SHPRH: variants seen among roughly 807,000 people sequenced by gnomAD.
SHPRH encodes the protein SNF2 histone linker PHD RING helicase.
SHPRH carries 106 observed loss-of-function variants against 202.5 expected under a neutral mutation model. The ratio of observed to expected loss-of-function variants is 0.52; its 90% CI spans 0.45 to 0.62. The LOEUF is 0.62. SHPRH is among the 20% of genes least tolerant of loss of function. The pLI is 0.00. For missense variants in SHPRH, 1,710 were observed against 2,020.0 expected (o/e 0.85, Z 2.94); for synonymous variants, 729 against 686.0 (o/e 1.06, Z -0.98).
chr6:145,864,387 C>A (rs867243088), exon 3 of SHPRH: 3 of 426,730 alleles, frequency 7.0e-6, no homozygotes, highest in South Asian at 1.8e-5. Context: ...AAACAACTCA[C>A]AAATCACCAA....
chr6:145,919,181 A>G (rs1784209217), intron 22 of SHPRH, 167 bp downstream of exon 22: 1 of 892,696 alleles, frequency 1.1e-6, no homozygotes, highest in African/African-American at 1.7e-5. Flanking sequence ...CTCATCTTTG[A>G]CCATTTTTGG....
At chr6:145,875,619 G>C (rs1051082661) in intron 2 of SHPRH, among the ~76,000 whole-genome samples, 1 of 152,206 alleles carries the variant, frequency 6.6e-6, no homozygotes, top group South Asian at 2.1e-4. Context: ...TTCTTTATTA[G>C]AAGTTAGCAA....
intron 1 of SHPRH, among the ~76,000 whole-genome samples, chr6:145,961,911 C>T (rs1326666985): frequency 6.6e-6 from 1 of 152,212 alleles, no homozygotes; most frequent in African/African-American, 2.4e-5. Flanking sequence ...GTCAAATATA[C>T]TTATGACTAA....
rs1215956069 is a variant in SHPRH, at chr6:145,886,147, A to T, written c.*544T>A. The stretch of plus-strand genomic sequence containing the variant: ...AACTGTCTAACATTAACTTATTGTA[A>T]GGAGTTGTATTACTGCAAAATTACT... On this transcript the variant is annotated 3_prime_UTR_variant, in exon 30 of 30. Coordinates refer to ENST00000275233, the MANE Select transcript of SHPRH (RefSeq NM_001042683.3). The T allele has an allele frequency of 4.2e-6, 1 of 235,352 alleles. No individual in the cohort carries two copies. Among genetic ancestry groups the T allele is most frequent in the Non-Finnish European group, 8.4e-6 (1 of 119,534 alleles). The allele number at this position is 235,352 out of a possible 1,614,324, so 14.6% of individuals were successfully genotyped here.
chr6:145,895,079 G>A, intron 25 of SHPRH, 102 bp from the exon 26 acceptor site: 2 of 976,944 alleles, frequency 2.0e-6, no homozygotes, highest in Non-Finnish European at 3.0e-6. Context: ...AACTATAAAT[G>A]CATCAAAACA....
chr6:145,937,935 T>G (rs1786296074), intron 11 of SHPRH, among the ~76,000 whole-genome samples: 1 of 152,240 alleles, frequency 6.6e-6, no homozygotes, highest in African/African-American at 2.4e-5. Context: ...TTTCCTTTTT[T>G]TCATTTGTGA....
At position 145,887,529 on chromosome 6, in the gene SHPRH, G is replaced by GTT. The variant is rs200904161; in HGVS notation, c.4955+489_4955+490dup. ...TTGACACCACAATTAACCTTAACAA[G>GTT]TTTGTTTTTTTTTTTTTTTTTTTTG... On this transcript the variant is annotated intron_variant, in intron 29 of 29. Coordinates refer to ENST00000275233, the MANE Select transcript of SHPRH (RefSeq NM_001042683.3). 3.1e-3 allele frequency among the ~76,000 whole-genome samples: 407 copies of GTT among 130,030 alleles called. 8 individuals are homozygous for GTT. The highest frequency in any genetic ancestry group is 4.3e-3 in the Middle Eastern group (1 of 234). The allele number at this position is 130,030 out of a possible 152,430, so 85.3% of individuals were successfully genotyped here. A position where few individuals can be genotyped will look rare whatever the true frequency, so the allele number is the denominator to read the frequency against.
intron 14 of SHPRH, among the ~76,000 whole-genome samples, chr6:145,929,894 A>T (rs1387474482): frequency 6.6e-6 from 1 of 152,134 alleles, no homozygotes; most frequent in Non-Finnish European, 1.5e-5. Flanking sequence ...TACCATAACC[A>T]ATAACATCAT....
At chr6:145,865,218 T>C (rs1291812689) in intron 2 of SHPRH, among the ~76,000 whole-genome samples, 1 of 152,200 alleles carries the variant, frequency 6.6e-6, no homozygotes. Context: ...CCTAATGTTA[T>C]GACGTTTAGA....
chr6:145,948,431 CAGTG>C, intron 4 of SHPRH, 81 bp from the exon 5 acceptor site: 1 of 1,073,452 alleles, frequency 9.3e-7, no homozygotes, highest in Non-Finnish European at 1.4e-6. Flanking sequence ...AATAGGTTAA[CAGTG>C]AGGATACTCT....
chr6:145,931,169 G>T lies in SHPRH; in HGVS notation c.3112+1888C>A, dbSNP rs946058701. Among the ~76,000 whole-genome samples, 5 of 151,880 alleles carry T rather than the reference G, an allele frequency of 3.3e-5. No individual in the cohort carries two copies. In the South Asian group the frequency reaches 1.0e-3, roughly 31 times the overall value. ...GAGAACATATTGATGGTTATTGTTT[G>T]TTTTTAATCCAGTCTGACAATCCAG... On this transcript the variant is annotated intron_variant, in intron 14 of 29. Transcript: ENST00000275233.
At chr6:145,871,699 T>G (rs1182736673) in intron 2 of SHPRH, among the ~76,000 whole-genome samples, 1 of 152,168 alleles carries the variant, frequency 6.6e-6, no homozygotes, top group Non-Finnish European at 1.5e-5. Flanking sequence ...AAAACTATTT[T>G]GAAATTTATA....
chr6:145,912,025 A>C lies in SHPRH; in HGVS notation c.4327-1389T>G, dbSNP rs2128738489. Reference sequence around the variant, plus strand: ...CTACTGGAAAGGAGTTTTGTGACTCACTAGAGCTCAAAATGGACCAACTAA... The same window carrying C: ...CTACTGGAAAGGAGTTTTGTGACTCCCTAGAGCTCAAAATGGACCAACTAA... On this transcript the variant is annotated intron_variant, in intron 24 of 29. Coordinates refer to ENST00000275233, the MANE Select transcript of SHPRH (RefSeq NM_001042683.3). Among the ~76,000 whole-genome samples, 2 of 152,044 alleles carry C rather than the reference A, an allele frequency of 1.3e-5. 1 individual carries two copies. Among genetic ancestry groups the C allele is most frequent in the East Asian group, 3.9e-4 (2 of 5,176 alleles).
chr6:145,879,025 A>T (rs763592823), intron 2 of SHPRH, among the ~76,000 whole-genome samples: 17 of 152,212 alleles, frequency 1.1e-4, no homozygotes, highest in Non-Finnish European at 1.9e-4. Flanking sequence ...CTTCCTCTAA[A>T]TTTAAATATG....
chr6:145,903,856 C>T (rs1782718738), intron 25 of SHPRH: 1 of 152,064 alleles, frequency 6.6e-6, no homozygotes, highest in Admixed American at 6.6e-5. Context: ...CCTACTTCAC[C>T]ATCCAAAATG....
chr6:145,917,427 A>C (rs1281439610), intron 23 of SHPRH: 1 of 152,140 alleles, frequency 6.6e-6, no homozygotes, highest in African/African-American at 2.4e-5. Context: ...CTATATCTAT[A>C]ATGAATGTCT....
chr6:145,913,061 G>A (rs9497425), intron 24 of SHPRH, among the ~76,000 whole-genome samples: 83,357 of 151,824 alleles, frequency 0.55, 23,366 homozygotes, highest in Admixed American at 0.67. Context: ...CAAGTATTAT[G>A]AGACATTAAT....
chr6:145,919,412 C>T lies in SHPRH; in HGVS notation c.4088G>A (p.Arg1363Lys), dbSNP rs2128747381. ...CTTTGGCTCCCTAGGATCACGCACT[C>T]TTAGTCGTTCTGTAGCCATTGCAAG... ...DELAMATERL[R>K]VRDPREPKPN... is the part of the protein sequence containing the mutation. Residue 1363 changes from arginine to lysine, a missense_variant, in exon 22 of 30, where the codon AGA (arginine) becomes AAA (lysine). Coordinates refer to ENST00000275233, the MANE Select transcript of SHPRH (RefSeq NM_001042683.3). 1 of 1,613,278 alleles carries T rather than the reference C, an allele frequency of 6.2e-7. No individual in the cohort carries two copies. Among genetic ancestry groups the T allele is most frequent in the Middle Eastern group, 1.7e-4 (1 of 6,054 alleles).
At chr6:145,858,039 G>A in the SHPRH span, among the ~76,000 whole-genome samples, 9 of 152,106 alleles carry the variant, frequency 5.9e-5, no homozygotes, top group Non-Finnish European at 8.8e-5. Context: ...CTAGTAGAAT[G>A]TCTAAAATTA....
Sources: gnomAD v4.1 joint callset for allele counts (sites outside exome capture counted in the v4.1 genomes callset) on GRCh38, gnomAD v4.1.1 for gene constraint, MANE v1.5 for transcripts, NCBI Gene and HGNC (gene_info 2026-07-23, HGNC 2026-07-21) for gene names.